Variants in PLCB1 observed in about 807,000 individuals in gnomAD.
The protein encoded by PLCB1 is phospholipase C beta 1, also known as 1-phosphatidylinositol 4,5-bisphosphate phosphodiesterase beta-1.
Under a neutral mutation model 161.8 loss-of-function variants are expected in PLCB1, and 46 were observed. The observed-to-expected ratio is 0.28, with a 90% CI of 0.22 to 0.36. The LOEUF is 0.36. PLCB1 is among the 10% of genes least tolerant of loss of function. The pLI, the probability that PLCB1 is intolerant of heterozygous loss-of-function variation, is 1.00. For missense variants in PLCB1, 1,016 were observed against 1,472.5 expected, an observed-to-expected ratio of 0.69 and a Z score of 5.07; for synonymous variants, 517 against 503.7, an observed-to-expected ratio of 1.03 and a Z score of -0.35.
intron 3 of PLCB1, among the ~76,000 whole-genome samples, chr20:8,469,810 A>G (rs148744682): frequency 5.6e-4 from 85 of 152,308 alleles, no homozygotes; most frequent in African/African-American, 2.0e-3. Context: ...TCACTCATAT[A>G]AAGTGTACAA....
intron 3 of PLCB1, among the ~76,000 whole-genome samples, chr20:8,508,275 A>C (rs1408111336): frequency 6.6e-6 from 1 of 152,194 alleles, no homozygotes; most frequent in Non-Finnish European, 1.5e-5. Context: ...GAGTTATTCA[A>C]CTTCAATCCA....
intron 2 of PLCB1, among the ~76,000 whole-genome samples, chr20:8,214,290 G>A (rs1978997238): frequency 6.6e-6 from 1 of 152,136 alleles, no homozygotes; most frequent in African/African-American, 2.4e-5. Context: ...GATCATGGAA[G>A]CGGATTTCTC....
chr20:8,626,289 C>T (rs1174921487), intron 3 of PLCB1, among the ~76,000 whole-genome samples: 2 of 152,014 alleles, frequency 1.3e-5, no homozygotes, highest in Non-Finnish European at 2.9e-5. Flanking sequence ...AGTGGAAATC[C>T]CAGAAGCTCT....
At chr20:8,183,509 A>G (rs2051869235) in intron 2 of PLCB1, among the ~76,000 whole-genome samples, 2 of 152,230 alleles carry the variant, frequency 1.3e-5, no homozygotes, top group Admixed American at 1.3e-4. Flanking sequence ...TTCTAATGCC[A>G]TGCCAGTCAC....
intron 3 of PLCB1, among the ~76,000 whole-genome samples, chr20:8,420,846 C>A (rs1979509364): frequency 6.6e-6 from 1 of 152,170 alleles, no homozygotes; most frequent in South Asian, 2.1e-4. Flanking sequence ...GTGAGAGTAG[C>A]AGAAAGGTCC....
intron 3 of PLCB1, among the ~76,000 whole-genome samples, chr20:8,569,687 T>C (rs1258016321): frequency 6.6e-6 from 1 of 152,226 alleles, no homozygotes; most frequent in Non-Finnish European, 1.5e-5. Context: ...AGATTAGGGT[T>C]GTTAAGGTAA....
At chr20:8,439,666 G>A (rs1039633491) in intron 3 of PLCB1, among the ~76,000 whole-genome samples, 1 of 152,148 alleles carries the variant, frequency 6.6e-6, no homozygotes, top group African/African-American at 2.4e-5. Context: ...CATATGGACA[G>A]CAGGTCTGTA....
At chr20:8,651,903 A>G (rs1376389236) in intron 7 of PLCB1, 1 of 171,224 alleles carries the variant, frequency 5.8e-6, no homozygotes, top group African/African-American at 2.4e-5. Flanking sequence ...AAGAGAAAAC[A>G]TGAGAGATGG....
intron 3 of PLCB1, among the ~76,000 whole-genome samples, chr20:8,515,609 T>G (rs560137050): frequency 6.6e-6 from 1 of 152,212 alleles, no homozygotes; most frequent in African/African-American, 2.4e-5. Flanking sequence ...CTGGGTCATT[T>G]CCTTGTTTAG....
At chr20:8,491,889 G>T (rs1982961667) in intron 3 of PLCB1, among the ~76,000 whole-genome samples, 1 of 152,044 alleles carries the variant, frequency 6.6e-6, no homozygotes, top group Non-Finnish European at 1.5e-5. Context: ...CTGACATTCT[G>T]TGTCTTAAAA....
intron 3 of PLCB1, among the ~76,000 whole-genome samples, chr20:8,397,752 A>C (rs1177561417): frequency 6.6e-6 from 1 of 152,144 alleles, no homozygotes; most frequent in African/African-American, 2.4e-5. Context: ...TGTTTTACTT[A>C]ATATAACGTC....
At chr20:8,724,978 C>CA (rs1979856043) in intron 16 of PLCB1, among the ~76,000 whole-genome samples, 1 of 151,902 alleles carries the variant, frequency 6.6e-6, no homozygotes, top group Non-Finnish European at 1.5e-5. Flanking sequence ...TGGTGTTCTC[C>CA]AAAAATATTT....
chr20:8,429,102 G>T (rs557041717), intron 3 of PLCB1, among the ~76,000 whole-genome samples: 3 of 152,138 alleles, frequency 2.0e-5, no homozygotes, highest in Non-Finnish European at 2.9e-5. Flanking sequence ...TTACTTGCTT[G>T]TATCTTACCC....
intron 31 of PLCB1, chr20:8,802,608 A>C: frequency 6.4e-6 from 1 of 156,870 alleles, no homozygotes; most frequent in Non-Finnish European, 1.4e-5. Flanking sequence ...GTTAACTCTC[A>C]AGGAGTCTGT....
At chr20:8,173,077 T>A (rs1245037165) in intron 2 of PLCB1, among the ~76,000 whole-genome samples, 1 of 152,180 alleles carries the variant, frequency 6.6e-6, no homozygotes, top group Non-Finnish European at 1.5e-5. Flanking sequence ...TGACCAGGCC[T>A]GGGACTTCTC....
chr20:8,332,654 T>G (rs1455109372), intron 2 of PLCB1, among the ~76,000 whole-genome samples: 1 of 152,194 alleles, frequency 6.6e-6, no homozygotes, highest in Non-Finnish European at 1.5e-5. Context: ...AAAGCCAAGG[T>G]TAGAGTAGTC....
chr20:8,181,404 T>G (rs2051842656), intron 2 of PLCB1, among the ~76,000 whole-genome samples: 1 of 152,166 alleles, frequency 6.6e-6, no homozygotes, highest in Admixed American at 6.5e-5. Context: ...TTATGATTTC[T>G]TTACCTTATT....
At chr20:8,696,999 C>G (rs929725132) in intron 10 of PLCB1, among the ~76,000 whole-genome samples, 1 of 152,190 alleles carries the variant, frequency 6.6e-6, no homozygotes, top group South Asian at 2.1e-4. Flanking sequence ...TCCCAAAATG[C>G]TGGGATTATA....
At chr20:8,436,711 A>C (rs1980329601) in intron 3 of PLCB1, among the ~76,000 whole-genome samples, 1 of 152,170 alleles carries the variant, frequency 6.6e-6, no homozygotes, top group South Asian at 2.1e-4. Context: ...GAAAACCCTG[A>C]TGTAGCTTTC....
Sources: gnomAD v4.1 joint callset for allele counts (sites outside exome capture counted in the v4.1 genomes callset) on GRCh38, gnomAD v4.1.1 for gene constraint, MANE v1.5 for transcripts, NCBI Gene and HGNC (gene_info 2026-07-23, HGNC 2026-07-21) for gene names.